The following GPC6 variants were observed in gnomAD, a reference collection of about 807,000 sequenced individuals.
GPC6 encodes glypican-6.
Under a neutral mutation model 55.2 loss-of-function variants are expected in GPC6, and 14 were observed. The ratio of observed to expected loss-of-function variants is 0.25; its 90% CI spans 0.17 to 0.40. The LOEUF is 0.40. GPC6 is among the 10% of genes least tolerant of loss of function. The probability of loss-of-function intolerance (pLI) is 1.00; values close to 1 mark genes in which losing one functional copy is unlikely to be tolerated. For missense variants in GPC6, 641 were observed against 708.5 expected (o/e 0.90, Z 1.08); for synonymous variants, 278 against 259.6 (o/e 1.07, Z -0.68).
chr13:94,301,447 C>A (rs543915392), intron 5 of GPC6, among the ~76,000 whole-genome samples: 2 of 152,146 alleles, frequency 1.3e-5, no homozygotes, highest in South Asian at 4.2e-4. Flanking sequence ...AAGAAAAGAA[C>A]AAGAAACATC....
rs1001044035 is a variant in GPC6, at chr13:94,403,322, G to A, written c.*105G>A. The A allele has an allele frequency of 7.8e-5, 65 of 837,814 alleles. No individual in the cohort carries two copies. The highest frequency in any genetic ancestry group is 3.2e-4 in the Middle Eastern group (1 of 3,156). The allele number at this position is 837,814 out of a possible 1,614,324, so 51.9% of individuals were successfully genotyped here. A position where few individuals can be genotyped will look rare whatever the true frequency, so the allele number is the denominator to read the frequency against. ...ATGGACCATGCCACAAAAACTTACCGTTTTCTATGAGAAGAGAGCAGTAAT... is the reference window on the plus strand; with the variant it reads ...ATGGACCATGCCACAAAAACTTACCATTTTCTATGAGAAGAGAGCAGTAAT... On this transcript the variant is annotated 3_prime_UTR_variant, in exon 9 of 9. Transcript: ENST00000377047.
At chr13:93,223,918 G>C (rs1457149232), upstream of GPC6, among the ~76,000 whole-genome samples, 2 of 40,102 alleles carry the variant, frequency 5.0e-5, no homozygotes, top group Non-Finnish European at 1.0e-4. Flanking sequence ...TTTTTTTTTT[G>C]AGACGGAGTC....
At chr13:94,285,044 A>G (rs1055082887) in intron 4 of GPC6, among the ~76,000 whole-genome samples, 2 of 152,190 alleles carry the variant, frequency 1.3e-5, no homozygotes, top group Admixed American at 6.5e-5. Context: ...AAAATTAGTA[A>G]TGGCATAAAC....
intron 4 of GPC6, among the ~76,000 whole-genome samples, chr13:94,202,993 A>G (rs1452471404): frequency 2.6e-5 from 4 of 152,090 alleles, no homozygotes; most frequent in Non-Finnish European, 5.9e-5. Context: ...GAGAAAAATC[A>G]CCAGATTCCT....
Position 93,271,389 on chromosome 13 carries a change from A to C in GPC6, c.160+43773A>C, listed in dbSNP as rs72635668. On this transcript the variant is annotated intron_variant, in intron 1 of 8. Transcript: ENST00000377047. ...GGTATTGTCTGGAAAACACTGAAGA[A>C]AAACTTTTCATTCTGAAACAACTAA... Among the ~76,000 whole-genome samples, 4 of 151,912 alleles carry C rather than the reference A, an allele frequency of 2.6e-5. No individual in the cohort carries two copies. In the East Asian group the frequency reaches 7.7e-4, roughly 29 times the overall value.
At chr13:94,140,646 C>G (rs144103501) in intron 4 of GPC6, among the ~76,000 whole-genome samples, 1 of 152,224 alleles carries the variant, frequency 6.6e-6, no homozygotes, top group Non-Finnish European at 1.5e-5. Context: ...GACCCGAAGG[C>G]ACTGTCTTCA....
intron 4 of GPC6, among the ~76,000 whole-genome samples, chr13:94,279,824 CA>C (rs1892320481): frequency 6.6e-6 from 1 of 152,212 alleles, no homozygotes; most frequent in Admixed American, 6.5e-5. Flanking sequence ...TTAATGATTT[CA>C]GTTCCTTTGC....
chr13:94,337,816 G>T (rs888845086), intron 6 of GPC6, among the ~76,000 whole-genome samples: 2 of 152,186 alleles, frequency 1.3e-5, no homozygotes, highest in African/African-American at 4.8e-5. Flanking sequence ...AACGGGAGAA[G>T]ACACAGAAAG....
At chr13:93,546,593 A>G (rs927508890) in intron 2 of GPC6, among the ~76,000 whole-genome samples, 1 of 152,206 alleles carries the variant, frequency 6.6e-6, no homozygotes, top group Non-Finnish European at 1.5e-5. Context: ...ATGTGGATGT[A>G]TATGAAAATA....
intron 1 of GPC6, among the ~76,000 whole-genome samples, chr13:93,427,794 G>T (rs1877200898): frequency 6.6e-6 from 1 of 152,152 alleles, no homozygotes; most frequent in South Asian, 2.1e-4. Flanking sequence ...TGCAAAATGA[G>T]TGCACGATGG....
At chr13:93,487,878 A>G (rs2813586) in intron 1 of GPC6, among the ~76,000 whole-genome samples, 146,289 of 152,302 alleles carry the variant, frequency 0.96, 70,540 homozygotes, top group East Asian at 1. Flanking sequence ...ACTATCATCT[A>G]TCTTCTCTAC....
intron 1 of GPC6, among the ~76,000 whole-genome samples, chr13:93,432,909 G>A (rs1877416675): frequency 1.3e-5 from 2 of 151,408 alleles, no homozygotes; most frequent in East Asian, 2.0e-4. Flanking sequence ...GAGAGGGAGA[G>A]AGGGAGAGAG....
intron 2 of GPC6, among the ~76,000 whole-genome samples, chr13:93,713,874 A>C (rs1035206109): frequency 5.3e-5 from 8 of 151,634 alleles, no homozygotes; most frequent in South Asian, 2.1e-4. Flanking sequence ...TTAAAAAGGC[A>C]GGATCTCATG....
At chr13:93,657,180 C>T (rs1880711387) in intron 2 of GPC6, among the ~76,000 whole-genome samples, 1 of 151,940 alleles carries the variant, frequency 6.6e-6, no homozygotes, top group Non-Finnish European at 1.5e-5. Flanking sequence ...TTGAGACATG[C>T]ATTACCCAAC....
chr13:93,505,371 T>C (rs1880669630), intron 1 of GPC6, among the ~76,000 whole-genome samples: 1 of 152,114 alleles, frequency 6.6e-6, no homozygotes, highest in Admixed American at 6.6e-5. Context: ...CTTATTAGCA[T>C]ACATCCTTGT....
chr13:94,264,381 A>T (rs1183003512), intron 4 of GPC6, among the ~76,000 whole-genome samples: 2 of 152,196 alleles, frequency 1.3e-5, no homozygotes, highest in East Asian at 3.8e-4. Context: ...CTTATATCTA[A>T]TCAAGATCCT....
chr13:93,444,975 C>T (rs1027777508), intron 1 of GPC6, among the ~76,000 whole-genome samples: 3 of 152,126 alleles, frequency 2.0e-5, no homozygotes, highest in Non-Finnish European at 1.5e-5. Flanking sequence ...GACAGTAGTA[C>T]GTTCAGTCTT....
intron 3 of GPC6, among the ~76,000 whole-genome samples, chr13:93,940,788 T>C (rs1878698359): frequency 6.6e-6 from 1 of 152,182 alleles, no homozygotes; most frequent in African/African-American, 2.4e-5. Flanking sequence ...AGAGTCCTTA[T>C]CTCATCGACA....
intron 2 of GPC6, among the ~76,000 whole-genome samples, chr13:93,812,587 C>T (rs1886732421): frequency 6.6e-6 from 1 of 152,126 alleles, no homozygotes; most frequent in Admixed American, 6.5e-5. Flanking sequence ...AATTTTTTCA[C>T]TTCTCTTAAT....
Sources: gnomAD v4.1 joint callset for allele counts (sites outside exome capture counted in the v4.1 genomes callset) on GRCh38, gnomAD v4.1.1 for gene constraint, MANE v1.5 for transcripts, NCBI Gene and HGNC (gene_info 2026-07-23, HGNC 2026-07-21) for gene names.